The following SLC4A5 variants were observed in gnomAD, a reference collection of about 807,000 sequenced individuals.
SLC4A5 encodes solute carrier family 4 member 5, also known as electrogenic sodium bicarbonate cotransporter 4.
Under a neutral mutation model 120.4 loss-of-function variants are expected in SLC4A5, and 96 were observed. The ratio of observed to expected loss-of-function variants is 0.80; its 90% confidence interval spans 0.68 to 0.94. The LOEUF (loss-of-function observed/expected upper bound fraction) is 0.94, where lower values mean the gene tolerates loss of function less well. Ranked by LOEUF, SLC4A5 falls within the 40% of genes least tolerant of loss-of-function variation. The probability of loss-of-function intolerance (pLI) is 0.00; values close to 1 mark genes in which losing one functional copy is unlikely to be tolerated. For missense variants in SLC4A5, 1,259 were observed against 1,459.5 expected, an observed-to-expected ratio of 0.86 and a Z score of 2.24; for synonymous variants, 550 against 571.1, an observed-to-expected ratio of 0.96 and a Z score of 0.53.
rs530627975 is a variant in SLC4A5, at chr2:74,223,150, G to A, written c.3247-198C>T. ...CTCCCAAGTAGCTGGGATTACAGGC[G>A]TGCACCCCCATACCTGGCTAATTTT... On this transcript the variant is annotated intron_variant, in intron 28 of 30. Transcript: ENST00000394019. Among the ~76,000 whole-genome samples the A allele has an allele frequency of 1.4e-4, 21 of 151,926 alleles. 1 individual carries two copies. The South Asian group carries it at 2.1e-3, about 15-fold the overall frequency.
chr2:74,245,902 C>G (rs1399775930), intron 19 of SLC4A5, among the ~76,000 whole-genome samples: 2 of 152,112 alleles, frequency 1.3e-5, no homozygotes, highest in Non-Finnish European at 2.9e-5. Flanking sequence ...CACAGGAGTC[C>G]CAGGAGACCA....
chr2:74,290,085 A>T (rs760061968), intron 7 of SLC4A5, among the ~76,000 whole-genome samples: 1 of 152,120 alleles, frequency 6.6e-6, no homozygotes, highest in Non-Finnish European at 1.5e-5. Context: ...CCTGAAGAGG[A>T]GGGCATGCTA....
chr2:74,263,219 C>T lies in SLC4A5; in HGVS notation c.715+928G>A, dbSNP rs181556701. On this transcript the variant is annotated intron_variant, in intron 10 of 30. Coordinates refer to ENST00000394019, the Ensembl canonical transcript of SLC4A5. ...CACACTTGGCTAATTTTTTGTAAGG[C>T]GGGGTTTATGCCATGGGGTTTAAGC... Among the ~76,000 whole-genome samples the T allele has an allele frequency of 3.3e-5, 5 of 152,084 alleles. No individual in the cohort carries two copies. The East Asian group carries it at 5.8e-4, about 18-fold the overall frequency.
Position 74,336,693 on chromosome 2 carries a change from G to A in SLC4A5, c.-221+2162C>T, listed in dbSNP as rs1472091441. On this transcript the variant is annotated intron_variant, in intron 3 of 30. Transcript: ENST00000394019. The stretch of plus-strand genomic sequence containing the variant: ...CTGGCTGCCCTGGCCTGGGGGATGG[G>A]AATAGGGAGTCTTGCCTACAAGATC... Among the ~76,000 whole-genome samples, 38 of 152,148 alleles carry A rather than the reference G, an allele frequency of 2.5e-4. 1 individual carries two copies. Among genetic ancestry groups the A allele is most frequent in the Admixed American group, 2.5e-3 (38 of 15,286 alleles).
At chr2:74,225,139 C>G in intron 27 of SLC4A5, 144 bp from the exon 28 acceptor site, 1 of 708,228 alleles carries the variant, frequency 1.4e-6, no homozygotes, top group South Asian at 2.0e-5. Flanking sequence ...TCTCGAAGCT[C>G]CCATAAGCCA....
chr2:74,259,516 C>A, intron 12 of SLC4A5, 72 bp downstream of exon 12: 1 of 1,506,266 alleles, frequency 6.6e-7, no homozygotes, highest in Non-Finnish European at 9.2e-7. Context: ...CATAGGGGAT[C>A]CCTGCTCCTG....
chr2:74,304,533 C>T (rs1672576434), exon 7 of SLC4A5: 1 of 1,613,940 alleles, frequency 6.2e-7, no homozygotes, highest in African/African-American at 1.3e-5. Flanking sequence ...GCTGCTTGCC[C>T]CACTCCCTGG....
chr2:74,342,330 A>T (rs907024585), intron 2 of SLC4A5, 128 bp downstream of exon 2: 6 of 152,234 alleles, frequency 3.9e-5, no homozygotes, highest in African/African-American at 1.4e-4. Flanking sequence ...GATAAACTTG[A>T]CTGGAGAGGG....
chr2:74,218,501 G>GT (rs1694512971), exon 31 of SLC4A5: 1 of 152,228 alleles, frequency 6.6e-6, no homozygotes, highest in African/African-American at 2.4e-5. Flanking sequence ...TAGATCTCCA[G>GT]TTTTCTATAG....
At chr2:74,328,312 G>T in intron 4 of SLC4A5, 126 bp from the exon 5 acceptor site, 1 of 371,558 alleles carries the variant, frequency 2.7e-6, no homozygotes, top group Non-Finnish European at 3.7e-6. Context: ...GGACGCTCCT[G>T]CAGGGTCAGG....
chr2:74,283,464 T>C (rs1671877583), intron 8 of SLC4A5, among the ~76,000 whole-genome samples: 1 of 152,204 alleles, frequency 6.6e-6, no homozygotes, highest in African/African-American at 2.4e-5. Context: ...TTTGTTCCTC[T>C]CTGAGGCCCG....
rs532382893 is a variant in SLC4A5, at chr2:74,225,568, C to T, written c.3091-573G>A. Among the ~76,000 whole-genome samples, 4 of 152,232 alleles carry T rather than the reference C, an allele frequency of 2.6e-5. No individual in the cohort carries two copies. The East Asian group carries it at 7.7e-4, about 29-fold the overall frequency. Reference sequence around the variant, plus strand: ...CCAAGATTGTGCCACTGCATTCCATCCTGGGCGACAGAGCAAGACTCCATC... The same window carrying T: ...CCAAGATTGTGCCACTGCATTCCATTCTGGGCGACAGAGCAAGACTCCATC... On this transcript the variant is annotated intron_variant, in intron 27 of 30. Coordinates refer to ENST00000394019, the Ensembl canonical transcript of SLC4A5.
chr2:74,334,560 A>G (rs768357167), intron 3 of SLC4A5, among the ~76,000 whole-genome samples: 3 of 152,188 alleles, frequency 2.0e-5, no homozygotes, highest in Non-Finnish European at 4.4e-5. Flanking sequence ...TGGCATTTCT[A>G]TCCAAAACCA....
chr2:74,267,512 T>C (rs1159723857), intron 8 of SLC4A5, among the ~76,000 whole-genome samples: 1 of 152,294 alleles, frequency 6.6e-6, no homozygotes, highest in African/African-American at 2.4e-5. Flanking sequence ...GGACGGACAC[T>C]ACCATCCCAT....
At chr2:74,335,699 G>C (rs1214790974) in intron 3 of SLC4A5, among the ~76,000 whole-genome samples, 1 of 152,096 alleles carries the variant, frequency 6.6e-6, no homozygotes, top group Non-Finnish European at 1.5e-5. Flanking sequence ...CTGATCAAAA[G>C]ATACAATGGA....
chr2:74,264,170 A>G (rs1239971324), exon 10 of SLC4A5: 1 of 1,614,068 alleles, frequency 6.2e-7, no homozygotes, highest in South Asian at 1.1e-5. Flanking sequence ...TGACTTCCCA[A>G]TGTCAGCTAA....
intron 19 of SLC4A5, among the ~76,000 whole-genome samples, chr2:74,245,443 A>G (rs932277103): frequency 6.6e-6 from 1 of 152,242 alleles, no homozygotes; most frequent in Non-Finnish European, 1.5e-5. Context: ...TCTACAGTCT[A>G]TAAGATACAA....
intron 3 of SLC4A5, among the ~76,000 whole-genome samples, chr2:74,336,515 T>C (rs995343619): frequency 6.6e-6 from 1 of 152,194 alleles, no homozygotes. Flanking sequence ...AGGTTTATGA[T>C]GAGTATTAAA....
chr2:74,235,582 G>C (rs1670242791), intron 21 of SLC4A5, among the ~76,000 whole-genome samples: 1 of 152,138 alleles, frequency 6.6e-6, no homozygotes, highest in Admixed American at 6.5e-5. Context: ...GTCTGAACTG[G>C]GGCACCCAGC....
Sources: gnomAD v4.1 joint callset for allele counts (sites outside exome capture counted in the v4.1 genomes callset) on GRCh38, gnomAD v4.1.1 for gene constraint, MANE v1.5 for transcripts, NCBI Gene and HGNC (gene_info 2026-07-23, HGNC 2026-07-21) for gene names.